Variants in NDE1 observed in about 807,000 individuals in gnomAD.
The protein encoded by NDE1 is nuclear distribution protein nudE homolog 1.
In NDE1, 28 loss-of-function variants were observed where a neutral mutation model predicts 43.4. The ratio of observed to expected loss-of-function variants is 0.65; its 90% CI spans 0.48 to 0.89. NDE1 has a LOEUF of 0.89. NDE1 is among the 40% of genes least tolerant of loss of function. NDE1 has a pLI of 0.00. For synonymous variants in NDE1, 184 were observed against 172.0 expected (o/e 1.07, Z -0.55); for missense variants, 441 against 434.1 (o/e 1.02, Z -0.14).
At chr16:15,667,586 G>T in intron 3 of NDE1, 147 bp downstream of exon 3, 6 of 853,106 alleles carry the variant, frequency 7.0e-6, no homozygotes, top group East Asian at 2.9e-5. Flanking sequence ...CGGCAGACGT[G>T]ATCTTTGAAC....
chr16:15,695,058 T>G, intron 7 of NDE1: 3 of 256,132 alleles, frequency 1.2e-5, no homozygotes, highest in Non-Finnish European at 1.8e-5. Flanking sequence ...TGGTGTACAC[T>G]GGTGGTCCCA....
At position 15,694,220 on chromosome 16, in the gene NDE1, C is replaced by T. The variant is rs373854144; in HGVS notation, c.759C>T (p.Ala253=). ...TPLTPAARIS[A]LNIVGDLLRK... is the part of the protein sequence containing the mutation. ...TCACACCTGCGGCCCGGATATCAGC[C>T]CTCAACATTGTGGGAGACCTACTGC... Residue 253 remains alanine, a synonymous_variant, in exon 7 of 9, where the codon GCC becomes GCT. Coordinates refer to ENST00000396354, the MANE Select transcript of NDE1 (RefSeq NM_017668.3). 6.2e-7 allele frequency: 1 copy of T among 1,613,606 alleles called. No homozygotes were observed. Among genetic ancestry groups the T allele is most frequent in the African/African-American group, 1.3e-5 (1 of 74,920 alleles).
intron 1 of NDE1, among the ~76,000 whole-genome samples, chr16:15,656,949 A>G (rs2036797689): frequency 1.3e-5 from 2 of 152,182 alleles, no homozygotes; most frequent in South Asian, 2.1e-4. Flanking sequence ...GCCTGATCAC[A>G]TTGGATCTTG....
chr16:15,656,343 A>G (rs923000051), intron 1 of NDE1, among the ~76,000 whole-genome samples: 15 of 151,794 alleles, frequency 9.9e-5, no homozygotes, highest in Non-Finnish European at 1.6e-4. Context: ...TTCTCTGCTT[A>G]TTTTCTCCTC....
At chr16:15,682,820 G>T (rs1311297473) in intron 4 of NDE1, among the ~76,000 whole-genome samples, 1 of 152,038 alleles carries the variant, frequency 6.6e-6, no homozygotes, top group African/African-American at 2.4e-5. Context: ...TGCCTCCCAG[G>T]TTCAAATGAT....
intron 7 of NDE1, among the ~76,000 whole-genome samples, chr16:15,696,141 C>A (rs576982169): frequency 1.9e-5 from 2 of 104,584 alleles, no homozygotes; most frequent in Non-Finnish European, 3.8e-5. Flanking sequence ...TGCAGTGAGC[C>A]GTGATCTTTT....
At chr16:15,659,907 C>T (rs946857476) in intron 1 of NDE1, among the ~76,000 whole-genome samples, 3 of 151,848 alleles carry the variant, frequency 2.0e-5, no homozygotes, top group South Asian at 2.1e-4. Flanking sequence ...TGCCACTGCG[C>T]CCGCCTAATT....
intron 8 of NDE1, chr16:15,700,412 A>G (rs1485381972): frequency 2.0e-5 from 3 of 148,582 alleles, no homozygotes; most frequent in African/African-American, 7.5e-5. Flanking sequence ...ATTGTGTTGC[A>G]CTAACCCAAG....
chr16:15,656,987 G>A (rs374381104), intron 1 of NDE1, among the ~76,000 whole-genome samples: 6 of 152,270 alleles, frequency 3.9e-5, no homozygotes, highest in African/African-American at 1.4e-4. Flanking sequence ...CTCAGGAGGA[G>A]TCATTCTGCT....
intron 8 of NDE1, among the ~76,000 whole-genome samples, chr16:15,723,453 C>T (rs543356382): frequency 6.6e-6 from 1 of 152,120 alleles, no homozygotes; most frequent in Non-Finnish European, 1.5e-5. Context: ...TGGAGACCAG[C>T]CTGGACAACA....
At chr16:15,658,854 A>G (rs1265591997) in intron 1 of NDE1, among the ~76,000 whole-genome samples, 3 of 152,030 alleles carry the variant, frequency 2.0e-5, no homozygotes, top group Non-Finnish European at 4.4e-5. Flanking sequence ...ACAGGATTTT[A>G]CCATGTTGGC....
intron 5 of NDE1, among the ~76,000 whole-genome samples, chr16:15,688,633 CAAAA>C (rs35767829): frequency 5.1e-4 from 19 of 37,456 alleles, no homozygotes; most frequent in East Asian, 1.0e-3. Flanking sequence ...ACTCTTGTCT[CAAAA>C]AAAAAAAAAA....
intron 8 of NDE1, chr16:15,712,882 G>GTTTTTTTTTTGTTTTTTTTTTTTTGTTT (rs2039888905): frequency 2.2e-5 from 2 of 90,634 alleles, no homozygotes; most frequent in South Asian, 3.6e-4. Context: ...TTCACATACA[G>GTTTTTTTTTTGTTTTTTTTTTTTTGTTT]TTTTTTTTTT....
intron 6 of NDE1, among the ~76,000 whole-genome samples, chr16:15,692,139 T>C (rs976594930): frequency 2.0e-5 from 3 of 151,946 alleles, no homozygotes; most frequent in African/African-American, 7.3e-5. Context: ...TTACAGCAGA[T>C]ATTAATAACA....
intron 8 of NDE1, among the ~76,000 whole-genome samples, chr16:15,710,670 T>A (rs2039731285): frequency 6.6e-6 from 1 of 151,404 alleles, no homozygotes; most frequent in Non-Finnish European, 1.5e-5. Flanking sequence ...AGAGCACATC[T>A]GAGGGTTTTT....
intron 8 of NDE1, among the ~76,000 whole-genome samples, chr16:15,711,511 T>C (rs993058116): frequency 1.3e-5 from 2 of 152,154 alleles, no homozygotes; most frequent in African/African-American, 2.4e-5. Flanking sequence ...TTTAAAAATA[T>C]AGAGGAGGTA....
Position 15,686,198 on chromosome 16 carries a change from C to T in NDE1, c.387-1177C>T, listed in dbSNP as rs529246207. The stretch of plus-strand genomic sequence containing the variant: ...AACTCCTGACCTCAAGTGATCCGCC[C>T]GCCTCGGCCTCCCAAAGTGCTGGGA... On this transcript the variant is annotated intron_variant, in intron 4 of 8. Coordinates refer to ENST00000396354, the MANE Select transcript of NDE1 (RefSeq NM_017668.3). Among the ~76,000 whole-genome samples, 82 of 152,166 alleles carry T rather than the reference C, an allele frequency of 5.4e-4. No individual in the cohort carries two copies. In the East Asian group the frequency reaches 0.014, roughly 26 times the overall value.
At chr16:15,686,632 T>C in intron 4 of NDE1, 1 of 753,618 alleles carries the variant, frequency 1.3e-6, no homozygotes, top group Non-Finnish European at 1.6e-6. Context: ...GAGCTGTGAT[T>C]GTACCACTGC....
chr16:15,667,261 G>A (rs1473393248), intron 2 of NDE1, 25 bp from the exon 3 acceptor site: 14 of 1,613,504 alleles, frequency 8.7e-6, no homozygotes, highest in African/African-American at 4.0e-5. Context: ...ATATTACTAC[G>A]TGATGATTAA....
Sources: allele counts gnomAD v4.1 joint callset (sites outside exome capture counted in the v4.1 genomes callset), GRCh38; gene constraint gnomAD v4.1.1; transcripts MANE v1.5; gene names NCBI Gene and HGNC (gene_info 2026-07-23, HGNC 2026-07-21).